The following CTNNBIP1 variants were observed in gnomAD, a reference collection of about 807,000 sequenced individuals.
CTNNBIP1 encodes beta-catenin-interacting protein 1.
A neutral mutation model predicts 11.8 loss-of-function variants in CTNNBIP1; 7 were observed. That is an observed-to-expected ratio of 0.60 (90% confidence interval 0.34 to 1.12). The LOEUF is 1.12. CTNNBIP1 is among the 50% of genes most tolerant of loss of function. The pLI, the probability that CTNNBIP1 is intolerant of heterozygous loss-of-function variation, is 0.03. For synonymous variants in CTNNBIP1, 58 were observed against 43.9 expected, an observed-to-expected ratio of 1.32 and a Z score of -1.26; for missense variants, 101 against 113.4, an observed-to-expected ratio of 0.89 and a Z score of 0.50.
intron 5 of CTNNBIP1, among the ~76,000 whole-genome samples, chr1:9,869,368 T>G (rs1391178609): frequency 1.3e-5 from 2 of 151,924 alleles, no homozygotes; most frequent in Non-Finnish European, 2.9e-5. Context: ...GCTGGGGTTT[T>G]GTTTTGTTTT....
intron 3 of CTNNBIP1, among the ~76,000 whole-genome samples, chr1:9,877,531 G>A (rs7549820): frequency 0.035 from 5,317 of 152,228 alleles, 295 homozygotes; most frequent in African/African-American, 0.12. Context: ...CCCTGCACTC[G>A]TCTTTTGTTT....
At position 9,872,058 on chromosome 1, in the gene CTNNBIP1, G is replaced by A. The variant is rs147067665; in HGVS notation, c.7C>T (p.Arg3Cys). Residue 3 changes from arginine to cysteine, a missense_variant, in exon 4 of 6, where the codon CGC becomes TGC. By Grantham distance (180) the Arg-to-Cys change is radical (BLOSUM62 -3). Coordinates refer to ENST00000377263, the MANE Select transcript of CTNNBIP1 (RefSeq NM_020248.3). This position sits in a 1 kb window ranked among gnomAD's most constrained non-coding sequence, Gnocchi z 4.0. Reference sequence around the variant, plus strand: ...GGACTCTTCCCGGGAGCTCCCTCGCGGTTCATCCCCCTGCCTGGCTCTGGG... The same window carrying A: ...GGACTCTTCCCGGGAGCTCCCTCGCAGTTCATCCCCCTGCCTGGCTCTGGG... MNREGAPGKSPEE... is the reference protein window; with the variant it reads MNCEGAPGKSPEE... 16 of 1,613,888 alleles carry A rather than the reference G, an allele frequency of 9.9e-6. No individual in the cohort carries two copies. In the African/African-American group the frequency reaches 1.5e-4, roughly 15 times the overall value.
intron 1 of CTNNBIP1, among the ~76,000 whole-genome samples, chr1:9,890,098 G>C (rs1220635865): frequency 6.6e-6 from 1 of 152,172 alleles, no homozygotes; most frequent in East Asian, 1.9e-4. Context: ...ACATCTTCTG[G>C]TTTAAAATAT....
chr1:9,908,653 C>T (rs1475168648), intron 1 of CTNNBIP1, among the ~76,000 whole-genome samples: 2 of 152,198 alleles, frequency 1.3e-5, no homozygotes, highest in African/African-American at 4.8e-5. Context: ...TGAGCCACCG[C>T]GCCCGGCCAC....
At chr1:9,892,285 GGTGGTGGGTGCCT>G (rs1639319865) in intron 1 of CTNNBIP1, among the ~76,000 whole-genome samples, 1 of 152,118 alleles carries the variant, frequency 6.6e-6, no homozygotes, top group South Asian at 2.1e-4. Context: ...AGCCAGGCGT[GGTGGTGGGTGCCT>G]GTGGTCCCAG....
chr1:9,906,292 T>C (rs1639618232), intron 1 of CTNNBIP1, among the ~76,000 whole-genome samples: 1 of 152,146 alleles, frequency 6.6e-6, no homozygotes, highest in Non-Finnish European at 1.5e-5. Flanking sequence ...GCACGGTGGC[T>C]CACGCCTGTA....
intron 3 of CTNNBIP1, among the ~76,000 whole-genome samples, chr1:9,874,371 C>T (rs1380332566): frequency 3.9e-5 from 6 of 152,208 alleles, no homozygotes; most frequent in Non-Finnish European, 8.8e-5. Context: ...CCTCCTGCCT[C>T]AGCCTCCTAA....
chr1:9,850,990 G>A (rs1422597294), intron 5 of CTNNBIP1, among the ~76,000 whole-genome samples: 1 of 152,220 alleles, frequency 6.6e-6, no homozygotes, highest in Non-Finnish European at 1.5e-5. Flanking sequence ...AGGGCTGCAA[G>A]GCAGGGCTGC....
At chr1:9,906,869 C>T (rs1354333029) in intron 1 of CTNNBIP1, among the ~76,000 whole-genome samples, 3 of 152,286 alleles carry the variant, frequency 2.0e-5, no homozygotes, top group East Asian at 3.9e-4. Context: ...TTGTGCAGGG[C>T]GCTGATTCAG....
chr1:9,864,543 T>C (rs981798212), intron 5 of CTNNBIP1, among the ~76,000 whole-genome samples: 1 of 152,178 alleles, frequency 6.6e-6, no homozygotes, highest in African/African-American at 2.4e-5. Flanking sequence ...TTAGCCAGGA[T>C]GGTCTCAATC....
intron 1 of CTNNBIP1, among the ~76,000 whole-genome samples, chr1:9,908,479 T>C (rs2379108): frequency 0.15 from 22,005 of 150,542 alleles, 1,723 homozygotes; most frequent in South Asian, 0.21. Context: ...GTTCACGCCA[T>C]TCTCCTGCCT....
chr1:9,868,975 A>C (rs1417332375), intron 5 of CTNNBIP1, among the ~76,000 whole-genome samples: 1 of 151,832 alleles, frequency 6.6e-6, no homozygotes, highest in African/African-American at 2.4e-5. Context: ...TCTGGTATAT[A>C]TTCCACCAGC....
At chr1:9,905,011 G>A (rs1339748771) in intron 1 of CTNNBIP1, among the ~76,000 whole-genome samples, 2 of 152,164 alleles carry the variant, frequency 1.3e-5, no homozygotes, top group Admixed American at 1.3e-4. Flanking sequence ...GAACCTGATG[G>A]GAAGAAACTC....
intron 2 of CTNNBIP1, among the ~76,000 whole-genome samples, chr1:9,881,878 G>A (rs1171441617): frequency 6.6e-6 from 1 of 152,176 alleles, no homozygotes; most frequent in Non-Finnish European, 1.5e-5. Flanking sequence ...CCGTGACACT[G>A]AGCCTGCATT....
At chr1:9,857,858 C>A (rs931152931) in intron 5 of CTNNBIP1, among the ~76,000 whole-genome samples, 1 of 152,180 alleles carries the variant, frequency 6.6e-6, no homozygotes, top group Non-Finnish European at 1.5e-5. Flanking sequence ...CATTTCACAT[C>A]TACTAGAATC....
At chr1:9,884,852 T>C (rs1195713572) in intron 1 of CTNNBIP1, among the ~76,000 whole-genome samples, 3 of 150,858 alleles carry the variant, frequency 2.0e-5, no homozygotes, top group African/African-American at 4.9e-5. Context: ...GGGAGGGAGT[T>C]GGGGAGCAGA....
Position 9,867,535 on chromosome 1 carries a change from G to A in CTNNBIP1, c.187+3652C>T, listed in dbSNP as rs975549737. Among the ~76,000 whole-genome samples, 2 of 152,222 alleles carry A rather than the reference G, an allele frequency of 1.3e-5. No homozygotes were observed. The highest frequency in any genetic ancestry group is 2.9e-5 in the Non-Finnish European group (2 of 68,026). On this transcript the variant is annotated intron_variant, in intron 5 of 5. Coordinates refer to ENST00000377263, the MANE Select transcript of CTNNBIP1 (RefSeq NM_020248.3). The surrounding 1 kb of genome is among the most constrained non-coding windows in gnomAD (Gnocchi z 4.6). ...GCCAGACCCTCAGGACCAAGGTCGG[G>A]TGCTGTCCGTTGGAGGGTCTGCCTC...
intron 3 of CTNNBIP1, among the ~76,000 whole-genome samples, chr1:9,874,216 G>A (rs1638919630): frequency 2.0e-5 from 3 of 152,156 alleles, no homozygotes; most frequent in Admixed American, 6.5e-5. Flanking sequence ...TGTCCCCTAA[G>A]CCAGGAACTG....
intron 1 of CTNNBIP1, among the ~76,000 whole-genome samples, chr1:9,896,467 G>A (rs183550188): frequency 1.4e-3 from 211 of 152,342 alleles, no homozygotes; most frequent in African/African-American, 4.8e-3. Context: ...GAGACACAAA[G>A]GCAGGCAGAT....
Sources: gnomAD v4.1 joint callset for allele counts (sites outside exome capture counted in the v4.1 genomes callset) on GRCh38, gnomAD v4.1.1 for gene constraint, Gnocchi (gnomAD v3.1) non-coding constraint, MANE v1.5 for transcripts, NCBI Gene and HGNC (gene_info 2026-07-23, HGNC 2026-07-21) for gene names.